Variants in ANO6 observed in about 807,000 individuals in gnomAD.
ANO6 encodes anoctamin 6.
ANO6 carries 106 observed loss-of-function variants against 117.5 expected under a neutral mutation model. The ratio of observed to expected loss-of-function variants is 0.90; its 90% CI spans 0.77 to 1.06. ANO6 has a LOEUF of 1.06. Ranked by LOEUF, ANO6 falls within the 50% of genes least tolerant of loss-of-function variation. The pLI, the probability that ANO6 is intolerant of heterozygous loss-of-function variation, is 0.00. For synonymous variants in ANO6, 367 were observed against 385.1 expected, an observed-to-expected ratio of 0.95 and a Z score of 0.55; for missense variants, 955 against 1,121.1, an observed-to-expected ratio of 0.85 and a Z score of 2.12.
At chr12:45,359,467 C>A (rs77120088) in intron 8 of ANO6, among the ~76,000 whole-genome samples, 2,503 of 152,286 alleles carry the variant, frequency 0.016, 64 homozygotes, top group East Asian at 0.097. Context: ...TTCCCTTGGC[C>A]CCTGGCAACC....
chr12:45,339,675 A>G (rs1940924593), intron 3 of ANO6, among the ~76,000 whole-genome samples: 2 of 152,148 alleles, frequency 1.3e-5, no homozygotes, highest in South Asian at 4.1e-4. Flanking sequence ...CAACACGTGA[A>G]TTTAAATTAA....
chr12:45,360,987 TG>T (rs1565718710), intron 8 of ANO6, among the ~76,000 whole-genome samples: 1 of 152,202 alleles, frequency 6.6e-6, no homozygotes, highest in African/African-American at 2.4e-5. Flanking sequence ...ACTGTAACTT[TG>T]TAAACTTCAA....
chr12:45,286,831 G>T (rs1157549638), intron 1 of ANO6, among the ~76,000 whole-genome samples: 1 of 152,144 alleles, frequency 6.6e-6, no homozygotes, highest in Non-Finnish European at 1.5e-5. Context: ...GTAAATACTA[G>T]TCCCATTTTC....
At position 45,364,389 on chromosome 12, in the gene ANO6, A is replaced by G. The variant is rs144224355; in HGVS notation, c.999-3299A>G. Among the ~76,000 whole-genome samples the G allele has an allele frequency of 1.9e-3, 284 of 152,188 alleles. 2 individuals are homozygous for G. The highest frequency in any genetic ancestry group is 1.9e-3 in the Non-Finnish European group (127 of 68,000). On this transcript the variant is annotated intron_variant, in intron 8 of 19. Transcript: ENST00000320560. ...TTCAGCCATTGATTCTTCAAATATT[A>G]TTTCTGTTTCTCTCCTTTTTTCTCT...
chr12:45,372,492 A>T lies in ANO6; in HGVS notation c.1104+4699A>T, dbSNP rs1269264990. Among the ~76,000 whole-genome samples, 3 of 143,160 alleles carry T rather than the reference A, an allele frequency of 2.1e-5. No individual in the cohort carries two copies. The South Asian group carries it at 7.3e-4, about 35-fold the overall frequency. 93.9% of individuals were successfully genotyped at this position (143,160 alleles called of 152,430 possible). A position where few individuals can be genotyped will look rare whatever the true frequency, so the allele number is the denominator to read the frequency against. Reference sequence around the variant, plus strand: ...TCGGGTTACCCTCAAAGGGAAGCCCATCAGACTAACAGCGGATCTCTCGGC... The same window carrying T: ...TCGGGTTACCCTCAAAGGGAAGCCCTTCAGACTAACAGCGGATCTCTCGGC... On this transcript the variant is annotated intron_variant, in intron 9 of 19. Coordinates refer to ENST00000320560, the MANE Select transcript of ANO6 (RefSeq NM_001025356.3).
At chr12:45,281,994 A>G (rs934863290) in intron 1 of ANO6, among the ~76,000 whole-genome samples, 3 of 152,144 alleles carry the variant, frequency 2.0e-5, no homozygotes, top group Admixed American at 6.5e-5. Context: ...GAAGAGAGGA[A>G]GACAGTCAAG....
chr12:45,400,036 G>T (rs1469340720), intron 12 of ANO6, among the ~76,000 whole-genome samples: 3 of 152,148 alleles, frequency 2.0e-5, no homozygotes, highest in Non-Finnish European at 4.4e-5. Flanking sequence ...CCACGTGGGA[G>T]GCAGTGCCAT....
chr12:45,363,853 C>T (rs895261997), intron 8 of ANO6, among the ~76,000 whole-genome samples: 8 of 152,142 alleles, frequency 5.3e-5, no homozygotes, highest in Non-Finnish European at 1.0e-4. Context: ...ATGCCTTTTG[C>T]CTTCTGCCAT....
At chr12:45,279,798 T>C (rs1938665320) in intron 1 of ANO6, among the ~76,000 whole-genome samples, 1 of 152,262 alleles carries the variant, frequency 6.6e-6, no homozygotes, top group African/African-American at 2.4e-5. Flanking sequence ...GAGATAATTG[T>C]ATGTAACTGA....
chr12:45,397,496 A>G (rs1300400125), intron 12 of ANO6, among the ~76,000 whole-genome samples: 2 of 152,234 alleles, frequency 1.3e-5, no homozygotes, highest in Non-Finnish European at 2.9e-5. Flanking sequence ...TATATATCCA[A>G]AAGATTATAA....
chr12:45,316,411 A>G (rs190995093), intron 2 of ANO6, among the ~76,000 whole-genome samples: 88 of 152,216 alleles, frequency 5.8e-4, no homozygotes, highest in African/African-American at 1.8e-3. Flanking sequence ...GAATATCTCC[A>G]TGAAGAGGAA....
At chr12:45,288,029 G>A (rs1055847388) in intron 1 of ANO6, among the ~76,000 whole-genome samples, 1 of 152,058 alleles carries the variant, frequency 6.6e-6, no homozygotes, top group African/African-American at 2.4e-5. Flanking sequence ...CCAGCACCAC[G>A]AGAGTCCCCT....
intron 1 of ANO6, among the ~76,000 whole-genome samples, chr12:45,276,405 G>A (rs1430623910): frequency 6.6e-6 from 1 of 152,100 alleles, no homozygotes; most frequent in Non-Finnish European, 1.5e-5. Context: ...TGTCTTCACT[G>A]CCCTGCAGTC....
chr12:45,332,986 A>G (rs887631821), intron 3 of ANO6, among the ~76,000 whole-genome samples: 3 of 151,844 alleles, frequency 2.0e-5, no homozygotes, highest in African/African-American at 7.3e-5. Context: ...TATGTTTGAC[A>G]TCTCTAAAAT....
intron 1 of ANO6, among the ~76,000 whole-genome samples, chr12:45,246,760 T>TTC (rs1491101812): frequency 2.2e-5 from 2 of 89,496 alleles, no homozygotes; most frequent in Non-Finnish European, 4.3e-5. Context: ...TCCACCCTAC[T>TTC]TTTTTTTTTT....
At chr12:45,343,290 C>T (rs1476017056) in intron 3 of ANO6, among the ~76,000 whole-genome samples, 1 of 152,148 alleles carries the variant, frequency 6.6e-6, no homozygotes, top group African/African-American at 2.4e-5. Context: ...GACTGATTCT[C>T]CTACTCTTCT....
Position 45,375,038 on chromosome 12 carries a change from C to A in ANO6, c.1105-3015C>A, listed in dbSNP as rs1941964531. 2.0e-5 allele frequency among the ~76,000 whole-genome samples: 3 copies of A among 151,748 alleles called. No homozygotes were observed. The South Asian group carries it at 6.3e-4, about 32-fold the overall frequency. Reference sequence around the variant, plus strand: ...ATACAAAATCAATGTACAAAAATCACAAGCATTCTTATACACCAACAACAT... The same window carrying A: ...ATACAAAATCAATGTACAAAAATCAAAAGCATTCTTATACACCAACAACAT... On this transcript the variant is annotated intron_variant, in intron 9 of 19. Coordinates refer to ENST00000320560, the MANE Select transcript of ANO6 (RefSeq NM_001025356.3).
intron 1 of ANO6, among the ~76,000 whole-genome samples, chr12:45,234,385 G>GTC: frequency 6.6e-6 from 1 of 152,038 alleles, no homozygotes; most frequent in South Asian, 2.1e-4. Flanking sequence ...TTCTCCAGAA[G>GTC]GTCACCTTTT....
At chr12:45,319,528 T>C (rs867455321) in intron 2 of ANO6, among the ~76,000 whole-genome samples, 6 of 152,238 alleles carry the variant, frequency 3.9e-5, no homozygotes, top group African/African-American at 9.6e-5. Flanking sequence ...CAGTATTTTA[T>C]TGAGGATTTT....
Sources: gnomAD v4.1 joint callset for allele counts (sites outside exome capture counted in the v4.1 genomes callset) on GRCh38, gnomAD v4.1.1 for gene constraint, MANE v1.5 for transcripts, NCBI Gene and HGNC (gene_info 2026-07-23, HGNC 2026-07-21) for gene names.